The following CFAP95 variants were observed in gnomAD, a reference collection of about 807,000 sequenced individuals.
CFAP95 encodes cilia and flagella associated protein 95.
At chr9:69,895,367 CTCTGTGTG>C in the CFAP95 span, among the ~76,000 whole-genome samples, 5 of 111,280 alleles carry the variant, frequency 4.5e-5, no homozygotes, top group African/African-American at 1.5e-4. Context: ...CTCTCTCTCT[CTCTGTGTG>C]TGTGTGTGTG....
At chr9:69,858,918 T>C in the CFAP95 span, among the ~76,000 whole-genome samples, 575 of 152,310 alleles carry the variant, frequency 3.8e-3, no homozygotes, top group Middle Eastern at 0.014. Flanking sequence ...ACATAAACTT[T>C]CATTATGTAC....
the CFAP95 span, among the ~76,000 whole-genome samples, chr9:69,822,012 C>T: frequency 1.2e-4 from 19 of 152,142 alleles, no homozygotes; most frequent in Admixed American, 2.6e-4. Context: ...TGGAAATTCA[C>T]TTTCTCTTAT....
the CFAP95 span, among the ~76,000 whole-genome samples, chr9:69,885,985 A>G: frequency 6.6e-6 from 1 of 152,206 alleles, no homozygotes; most frequent in South Asian, 2.1e-4. Flanking sequence ...TATTAAACAG[A>G]AAATTTCAGA....
the CFAP95 span, chr9:69,906,125 G>T: frequency 6.3e-7 from 1 of 1,597,010 alleles, no homozygotes; most frequent in Non-Finnish European, 8.5e-7. Context: ...TGGGCCTATT[G>T]TGCCAATTTA....
chr9:69,856,574 AT>A, the CFAP95 span: 7 of 1,608,928 alleles, frequency 4.4e-6, no homozygotes, highest in Non-Finnish European at 5.1e-6. Flanking sequence ...TCAGAAACAC[AT>A]GAAAAGTTGT....
the CFAP95 span, chr9:69,821,097 C>T: frequency 1.9e-6 from 3 of 1,565,646 alleles, no homozygotes; most frequent in Non-Finnish European, 2.6e-6. Context: ...AAGGATGGAA[C>T]AGGAAAGGAA....
the CFAP95 span, among the ~76,000 whole-genome samples, chr9:69,831,635 A>G: frequency 6.6e-6 from 1 of 152,184 alleles, no homozygotes; most frequent in African/African-American, 2.4e-5. Flanking sequence ...AGCGGTAAGC[A>G]GGTTGCTCAG....
chr9:69,864,333 G>A, the CFAP95 span, among the ~76,000 whole-genome samples: 1 of 150,116 alleles, frequency 6.7e-6, no homozygotes, highest in African/African-American at 2.4e-5. Flanking sequence ...GTGTATACGT[G>A]TGTGTGTGTG....
the CFAP95 span, among the ~76,000 whole-genome samples, chr9:69,846,146 T>C: frequency 6.6e-6 from 1 of 152,168 alleles, no homozygotes; most frequent in Admixed American, 6.5e-5. Flanking sequence ...TTAAAGAACT[T>C]TTGGTCCTTA....
At chr9:69,858,922 T>C in the CFAP95 span, among the ~76,000 whole-genome samples, 1 of 152,298 alleles carries the variant, frequency 6.6e-6, no homozygotes, top group South Asian at 2.1e-4. Flanking sequence ...AAACTTTCAT[T>C]ATGTACAGGT....
chr9:69,840,443 A>T, the CFAP95 span, among the ~76,000 whole-genome samples: 33 of 152,288 alleles, frequency 2.2e-4, no homozygotes, highest in African/African-American at 7.9e-4. Flanking sequence ...AATATTTTGC[A>T]TTTATATGTC....
At chr9:69,854,906 C>T in the CFAP95 span, among the ~76,000 whole-genome samples, 2 of 152,246 alleles carry the variant, frequency 1.3e-5, no homozygotes, top group African/African-American at 2.4e-5. Flanking sequence ...GTGACCCTCA[C>T]TAGAGCTGTA....
the CFAP95 span, among the ~76,000 whole-genome samples, chr9:69,863,429 G>A: frequency 2.0e-5 from 3 of 152,154 alleles, no homozygotes; most frequent in Non-Finnish European, 2.9e-5. Context: ...TAGTTAGTAA[G>A]TCAATTTAAG....
At chr9:69,885,694 G>A in the CFAP95 span, among the ~76,000 whole-genome samples, 9 of 152,126 alleles carry the variant, frequency 5.9e-5, no homozygotes, top group African/African-American at 2.2e-4. Flanking sequence ...GGTTGGGAAT[G>A]TTATGTAATC....
the CFAP95 span, among the ~76,000 whole-genome samples, chr9:69,862,787 C>T: frequency 6.6e-6 from 1 of 152,160 alleles, no homozygotes; most frequent in Non-Finnish European, 1.5e-5. Flanking sequence ...TTGACTGACT[C>T]TCTTTCTCAT....
chr9:69,840,050 C>T, the CFAP95 span, among the ~76,000 whole-genome samples: 6 of 150,222 alleles, frequency 4.0e-5, no homozygotes, highest in African/African-American at 1.5e-4. Flanking sequence ...GCACTCTAGC[C>T]TGGGCAACAA....
the CFAP95 span, among the ~76,000 whole-genome samples, chr9:69,852,451 C>T: frequency 6.6e-6 from 1 of 152,106 alleles, no homozygotes; most frequent in African/African-American, 2.4e-5. Flanking sequence ...AATAATTTAG[C>T]AGTTGGAGGA....
chr9:69,906,038 G>C, the CFAP95 span: 6 of 1,613,066 alleles, frequency 3.7e-6, no homozygotes, highest in Admixed American at 1.7e-5. Context: ...TAAAAGATTT[G>C]GCATCAACAC....
chr9:69,867,081 T>G, the CFAP95 span, among the ~76,000 whole-genome samples: 24 of 152,352 alleles, frequency 1.6e-4, no homozygotes, highest in African/African-American at 5.8e-4. Flanking sequence ...TGAAGCCAAA[T>G]GACCGAGGAG....
Sources: gnomAD v4.1 joint callset for allele counts (sites outside exome capture counted in the v4.1 genomes callset) on GRCh38, gnomAD v4.1.1 for gene constraint, MANE v1.5 for transcripts, NCBI Gene and HGNC (gene_info 2026-07-23, HGNC 2026-07-21) for gene names.